The following PTPRD variants were observed in gnomAD, a reference collection of about 807,000 sequenced individuals.
The protein encoded by PTPRD is receptor-type tyrosine-protein phosphatase delta.
A neutral mutation model predicts 214.5 loss-of-function variants in PTPRD; 34 were observed. The ratio of observed to expected loss-of-function variants is 0.16; its 90% CI spans 0.12 to 0.21. The LOEUF (loss-of-function observed/expected upper bound fraction) is 0.21, where lower values mean the gene tolerates loss of function less well. Ranked by LOEUF, PTPRD falls within the 10% of genes least tolerant of loss-of-function variation. PTPRD has a pLI of 1.00. For missense variants in PTPRD, 2,545 were observed against 2,398.7 expected (o/e 1.06, Z -1.27); for synonymous variants, 1,128 against 845.7 (o/e 1.33, Z -5.79).
At chr9:9,617,717 T>G (rs547038909) in intron 7 of PTPRD, among the ~76,000 whole-genome samples, 1 of 152,112 alleles carries the variant, frequency 6.6e-6, no homozygotes, top group Non-Finnish European at 1.5e-5. Flanking sequence ...ATTAGGATGG[T>G]GAGGGTGTCC....
intron 8 of PTPRD, among the ~76,000 whole-genome samples, chr9:9,487,395 CT>C (rs1165435228): frequency 6.6e-6 from 1 of 152,070 alleles, no homozygotes; most frequent in Non-Finnish European, 1.5e-5. Flanking sequence ...CGAACTCATC[CT>C]TTTTTATGGC....
chr9:9,805,102 G>A (rs1397522262), intron 5 of PTPRD, among the ~76,000 whole-genome samples: 2 of 152,022 alleles, frequency 1.3e-5, no homozygotes, highest in Admixed American at 1.3e-4. Context: ...AAATACCATA[G>A]TAGCTTGGAT....
At chr9:9,932,153 T>G (rs1370265490) in intron 5 of PTPRD, among the ~76,000 whole-genome samples, 2 of 148,090 alleles carry the variant, frequency 1.4e-5, no homozygotes, top group African/African-American at 5.3e-5. Context: ...AACTGGAAAC[T>G]CTAAAATGCA....
At chr9:9,095,325 C>T (rs553654856) in intron 10 of PTPRD, among the ~76,000 whole-genome samples, 1 of 152,264 alleles carries the variant, frequency 6.6e-6, no homozygotes, top group African/African-American at 2.4e-5. Flanking sequence ...CCTTTATTCA[C>T]AGCCAATATG....
chr9:10,334,084 A>T (rs1437647844), intron 3 of PTPRD, among the ~76,000 whole-genome samples: 1 of 151,878 alleles, frequency 6.6e-6, no homozygotes, highest in African/African-American at 2.4e-5. Flanking sequence ...ATATTATGAT[A>T]TCAATGACCA....
At chr9:9,359,276 GC>G (rs1045890821) in intron 9 of PTPRD, among the ~76,000 whole-genome samples, 11 of 151,250 alleles carry the variant, frequency 7.3e-5, no homozygotes, top group Non-Finnish European at 1.5e-4. Context: ...TCTAAATGTG[GC>G]TTTGGGCTAT....
Position 9,486,150 on chromosome 9 carries a change from C to CAAAAAAAA in PTPRD, c.-237+88574_-237+88581dup, listed in dbSNP as rs71319226. Among the ~76,000 whole-genome samples, 100 of 30,164 alleles carry CAAAAAAAA rather than the reference C, an allele frequency of 3.3e-3. 28 individuals carry two copies. Among genetic ancestry groups the CAAAAAAAA allele is most frequent in the African/African-American group, 7.3e-3 (49 of 6,682 alleles). 19.8% of individuals were successfully genotyped at this position (30,164 alleles called of 152,430 possible). On this transcript the variant is annotated intron_variant, in intron 8 of 45. Transcript: ENST00000381196. ...TGGGCAACAGAGCAAGACTCTCTCT[C>CAAAAAAAA]AAAAAAAAAAAAAAAAAAAAAAAAA...
intron 10 of PTPRD, among the ~76,000 whole-genome samples, chr9:9,086,286 G>A (rs1189670015): frequency 6.6e-6 from 1 of 152,148 alleles, no homozygotes; most frequent in African/African-American, 2.4e-5. Context: ...GAGAAGCATA[G>A]TAGTTTTAGT....
At chr9:9,885,505 T>C (rs1394242713) in intron 5 of PTPRD, among the ~76,000 whole-genome samples, 1 of 152,056 alleles carries the variant, frequency 6.6e-6, no homozygotes, top group Non-Finnish European at 1.5e-5. Flanking sequence ...ATGGATATAT[T>C]ACTTACATGG....
At chr9:8,993,055 G>C (rs1174710482) in intron 11 of PTPRD, among the ~76,000 whole-genome samples, 1 of 152,134 alleles carries the variant, frequency 6.6e-6, no homozygotes, top group African/African-American at 2.4e-5. Flanking sequence ...GGCTACAGTT[G>C]ATCAAATAGT....
chr9:10,302,878 CA>C (rs1375481179), intron 3 of PTPRD, among the ~76,000 whole-genome samples: 1 of 152,172 alleles, frequency 6.6e-6, no homozygotes, highest in African/African-American at 2.4e-5. Context: ...CAAGGATATT[CA>C]AGACTTAAAC....
At chr9:8,838,837 C>G (rs1470728286) in intron 11 of PTPRD, among the ~76,000 whole-genome samples, 2 of 151,298 alleles carry the variant, frequency 1.3e-5, no homozygotes, top group South Asian at 2.1e-4. Flanking sequence ...AAACAAAACA[C>G]CAAAAACAAA....
At chr9:9,750,855 G>T (rs747138004) in intron 6 of PTPRD, among the ~76,000 whole-genome samples, 1 of 151,922 alleles carries the variant, frequency 6.6e-6, no homozygotes, top group Non-Finnish European at 1.5e-5. Flanking sequence ...AAGGCCCAAG[G>T]TTCTGCCCTA....
intron 3 of PTPRD, among the ~76,000 whole-genome samples, chr9:10,162,341 A>G (rs2099132298): frequency 6.6e-6 from 1 of 151,608 alleles, no homozygotes; most frequent in African/African-American, 2.4e-5. Flanking sequence ...TGATATATAT[A>G]CACAATGAAA....
chr9:9,552,347 C>T (rs965811963), intron 8 of PTPRD, among the ~76,000 whole-genome samples: 1 of 151,966 alleles, frequency 6.6e-6, no homozygotes. Flanking sequence ...AGTCAATTGC[C>T]ATTTTCTATA....
At chr9:9,013,139 T>C (rs2099518799) in intron 11 of PTPRD, among the ~76,000 whole-genome samples, 1 of 150,776 alleles carries the variant, frequency 6.6e-6, no homozygotes, top group East Asian at 1.9e-4. Context: ...CTAGCTCTTA[T>C]TTTTTTTTCT....
intron 3 of PTPRD, among the ~76,000 whole-genome samples, chr9:10,330,371 C>T (rs1310011839): frequency 2.0e-5 from 3 of 151,750 alleles, no homozygotes; most frequent in African/African-American, 7.3e-5. Flanking sequence ...CAAATTCTCA[C>T]GGAGACCAAT....
chr9:8,568,144 A>G (rs1594074495), intron 14 of PTPRD, among the ~76,000 whole-genome samples: 3 of 152,158 alleles, frequency 2.0e-5, no homozygotes, highest in Admixed American at 2.0e-4. Flanking sequence ...TAAAAATCCA[A>G]TAGATTTTGG....
chr9:8,929,931 G>A (rs201876977), intron 11 of PTPRD, among the ~76,000 whole-genome samples: 4 of 143,310 alleles, frequency 2.8e-5, no homozygotes, highest in East Asian at 2.1e-4. Context: ...ATATATATGT[G>A]TATATATATA....
Sources: gnomAD v4.1 joint callset for allele counts (sites outside exome capture counted in the v4.1 genomes callset) on GRCh38, gnomAD v4.1.1 for gene constraint, MANE v1.5 for transcripts, NCBI Gene and HGNC (gene_info 2026-07-23, HGNC 2026-07-21) for gene names.